Variants in CACNA1C observed in about 807,000 individuals in gnomAD.
The protein encoded by CACNA1C is voltage-dependent L-type calcium channel subunit alpha-1C.
CACNA1C carries 30 observed loss-of-function variants against 229.0 expected under a neutral mutation model. The ratio of observed to expected loss-of-function variants is 0.13; its 90% confidence interval spans 0.10 to 0.18. The LOEUF (loss-of-function observed/expected upper bound fraction) is 0.18, where lower values mean the gene tolerates loss of function less well. Among genes scored for constraint, CACNA1C ranks in the 10% least tolerant of loss-of-function variants. The pLI is 1.00. For synonymous variants in CACNA1C, 1,114 were observed against 1,132.5 expected (o/e 0.98, Z 0.33); for missense variants, 1,658 against 2,845.0 (o/e 0.58, Z 9.49).
Position 2,679,453 on chromosome 12 carries a change from G to A in CACNA1C, c.5101G>A (p.Gly1701Ser), listed in dbSNP as rs1016696809. The A allele has an allele frequency of 6.4e-7, 1 of 1,566,528 alleles. No individual in the cohort carries two copies. Among genetic ancestry groups the A allele is most frequent in the African/African-American group, 1.3e-5 (1 of 74,110 alleles). Residue 1701 changes from glycine (G) to serine (S), a missense_variant, in exon 42 of 47, where the codon GGC becomes AGC. Transcript: ENST00000399655. The surrounding 1 kb of genome is among the most constrained non-coding windows in gnomAD (Gnocchi z 5.5). Reference protein sequence around the residue: ...SEDDIFRRAGGLFGNHVSYYQ... With the variant: ...SEDDIFRRAGSLFGNHVSYYQ... ...TCCTTCTTGCCTACAGAGGGCCGGT[G>A]GCCTGTTCGGCAACCACGTCAGCTA... is the stretch of plus-strand genomic sequence containing the variant.
intron 15 of CACNA1C, among the ~76,000 whole-genome samples, chr12:2,583,759 T>C (rs2061433060): frequency 6.6e-6 from 1 of 152,222 alleles, no homozygotes. Flanking sequence ...CATGGGATCA[T>C]GCATGCAAGG....
In CACNA1C at chr12:1,987,399, AT is replaced by A. The variant is rs199547359; in HGVS notation, c.139+16202del. ...AATTATGTTTTTTATGAGAGAATGT[AT>A]TTTGATATCCAATTATATTTTTGGT... On this transcript the variant is annotated intron_variant, in intron 1 of 46. Coordinates refer to the CACNA1C transcript ENST00000682462. Among the ~76,000 whole-genome samples the A allele has an allele frequency of 9.0e-3, 1,375 of 152,326 alleles. 25 individuals are homozygous for A. The highest frequency in any genetic ancestry group is 0.031 in the African/African-American group (1,306 of 41,570).
chr12:2,629,582 T>C (rs1253120235), intron 29 of CACNA1C, among the ~76,000 whole-genome samples: 1 of 152,090 alleles, frequency 6.6e-6, no homozygotes, highest in Non-Finnish European at 1.5e-5. Flanking sequence ...GAAACAGTGG[T>C]ATAGGGAAGT....
At chr12:2,480,842 T>C (rs2099673066) in intron 5 of CACNA1C, among the ~76,000 whole-genome samples, 1 of 152,204 alleles carries the variant, frequency 6.6e-6, no homozygotes, top group African/African-American at 2.4e-5. Context: ...TGTTCATGCC[T>C]AAACACCAAC....
chr12:2,119,870 C>T (rs2085732330), intron 2 of CACNA1C, among the ~76,000 whole-genome samples: 1 of 152,246 alleles, frequency 6.6e-6, no homozygotes, highest in African/African-American at 2.4e-5. Context: ...TTCAATGAAA[C>T]CCAGAGAAAG....
intron 3 of CACNA1C, among the ~76,000 whole-genome samples, chr12:2,386,201 A>G (rs920108971): frequency 2.0e-5 from 3 of 152,198 alleles, no homozygotes; most frequent in Admixed American, 2.0e-4. Flanking sequence ...TTTACATCAT[A>G]GAAATTGGCA....
chr12:2,115,420 G>T lies in CACNA1C; in HGVS notation c.246G>T (p.Lys82Asn). Reference sequence around the variant, plus strand: ...CCACAGTCAGCTCCACGCAGCGGAAGCGGCAGCAATATGGGAAACCCAAGA... The same window carrying T: ...CCACAGTCAGCTCCACGCAGCGGAATCGGCAGCAATATGGGAAACCCAAGA... Reference protein sequence around the residue: ...TISTVSSTQRKRQQYGKPKKQ... With the variant: ...TISTVSSTQRNRQQYGKPKKQ... Residue 82 changes from lysine to asparagine, a missense_variant, in exon 2 of 47, where the codon AAG becomes AAT. Coordinates refer to ENST00000399655, the MANE Select transcript of CACNA1C (RefSeq NM_000719.7). 1 of 1,612,782 alleles carries T rather than the reference G, an allele frequency of 6.2e-7. No individual in the cohort carries two copies. The highest frequency in any genetic ancestry group is 1.1e-5 in the South Asian group (1 of 91,044).
At chr12:2,430,772 C>T (rs11613063) in intron 3 of CACNA1C, among the ~76,000 whole-genome samples, 6,958 of 152,226 alleles carry the variant, frequency 0.046, 237 homozygotes, top group South Asian at 0.11. Flanking sequence ...GGAGGCCCTT[C>T]CTTTGTGTTC....
chr12:2,633,511 G>C lies in CACNA1C; in HGVS notation c.3829-786G>C. Reference sequence around the variant, plus strand: ...GCTCCTGGCCATGGTGAGGGCGTCCGGAACTCCAGAGGCAACACGGAGGTG... The same window carrying C: ...GCTCCTGGCCATGGTGAGGGCGTCCCGAACTCCAGAGGCAACACGGAGGTG... On this transcript the variant is annotated intron_variant, in intron 29 of 46. Coordinates refer to ENST00000399655, the MANE Select transcript of CACNA1C (RefSeq NM_000719.7). This position sits in a 1 kb window ranked among gnomAD's most constrained non-coding sequence, Gnocchi z 5.8. The C allele has an allele frequency of 1.4e-6, 1 of 723,076 alleles. No homozygotes were observed. The highest frequency in any genetic ancestry group is 2.3e-5 in the Admixed American group (1 of 44,350). The allele number at this position is 723,076 out of a possible 1,614,324, so 44.8% of individuals were successfully genotyped here.
chr12:2,335,643 C>T (rs1043507496), intron 3 of CACNA1C, among the ~76,000 whole-genome samples: 1 of 152,150 alleles, frequency 6.6e-6, no homozygotes, highest in Non-Finnish European at 1.5e-5. Context: ...ACAGGGCAAG[C>T]ATCAGAAACA....
chr12:2,178,699 A>G (rs2096741183), intron 3 of CACNA1C, among the ~76,000 whole-genome samples: 1 of 152,156 alleles, frequency 6.6e-6, no homozygotes, highest in Non-Finnish European at 1.5e-5. Flanking sequence ...CCGCTTGAGT[A>G]CCAGATTATT....
Position 2,601,985 on chromosome 12 carries a change from G to C in CACNA1C, c.2960+25G>C. On this transcript the variant is annotated intron_variant, in intron 22 of 46. Transcript: ENST00000399655. The surrounding 1 kb of genome is among the most constrained non-coding windows in gnomAD (Gnocchi z 5.9). ...AGTGAGTGGGAGCCCCTCAGCCCACGATGGGCCATGCAGCTAGCAAGGGGT... is the reference window on the plus strand; with the variant it reads ...AGTGAGTGGGAGCCCCTCAGCCCACCATGGGCCATGCAGCTAGCAAGGGGT... 6.9e-7 allele frequency: 1 copy of C among 1,459,754 alleles called. No homozygotes were observed. The allele number at this position is 1,459,754 out of a possible 1,614,324, so 90.4% of individuals were successfully genotyped here.
intron 29 of CACNA1C, among the ~76,000 whole-genome samples, chr12:2,624,787 C>G (rs369371579): frequency 1.1e-3 from 164 of 152,326 alleles, no homozygotes; most frequent in African/African-American, 3.8e-3. Context: ...TAGATGAAAC[C>G]TGTTTATCCA....
Position 2,181,317 on chromosome 12 carries a change from C to G in CACNA1C, c.477+60887C>G, listed in dbSNP as rs2096834051. Among the ~76,000 whole-genome samples, 1 of 152,136 alleles carries G rather than the reference C, an allele frequency of 6.6e-6. No homozygotes were observed. Among genetic ancestry groups the G allele is most frequent in the African/African-American group, 2.4e-5 (1 of 41,422 alleles). On this transcript the variant is annotated intron_variant, in intron 3 of 46. Transcript: ENST00000399655. The surrounding 1 kb of genome is among the most constrained non-coding windows in gnomAD (Gnocchi z 4.0). ...TGAGTCTCTAGTCTTGGGGCTCATG[C>G]TTGAAGTTATTTAGAGAATCTCTAA...
At chr12:2,489,918 C>T (rs961414240) in intron 6 of CACNA1C, among the ~76,000 whole-genome samples, 1 of 152,198 alleles carries the variant, frequency 6.6e-6, no homozygotes, top group Non-Finnish European at 1.5e-5. Context: ...ACTTTCCTCC[C>T]CAGGACTTCA....
intron 3 of CACNA1C, among the ~76,000 whole-genome samples, chr12:2,335,514 G>A (rs1020795638): frequency 1.3e-5 from 2 of 152,136 alleles, no homozygotes; most frequent in Non-Finnish European, 2.9e-5. Flanking sequence ...CTTTCCACGG[G>A]TGGCAGCCAT....
intron 42 of CACNA1C, among the ~76,000 whole-genome samples, chr12:2,682,280 G>T (rs1220220112): frequency 6.6e-6 from 1 of 151,188 alleles, no homozygotes; most frequent in African/African-American, 2.4e-5. Context: ...GGACCAGAGG[G>T]TAAGTGGATT....
intron 9 of CACNA1C, among the ~76,000 whole-genome samples, chr12:2,523,130 G>A (rs1448983032): frequency 6.7e-6 from 1 of 150,160 alleles, no homozygotes; most frequent in East Asian, 2.0e-4. Context: ...GGAAAAGAGC[G>A]GAGATGGGGC....
chr12:2,438,106 T>C (rs1037092171), intron 3 of CACNA1C, among the ~76,000 whole-genome samples: 2 of 148,828 alleles, frequency 1.3e-5, no homozygotes, highest in Non-Finnish European at 3.0e-5. Context: ...GTGGTGATGA[T>C]AGTGATAGTA....
Sources: gnomAD v4.1 joint callset for allele counts (sites outside exome capture counted in the v4.1 genomes callset) on GRCh38, gnomAD v4.1.1 for gene constraint, Gnocchi (gnomAD v3.1) non-coding constraint, MANE v1.5 for transcripts, NCBI Gene and HGNC (gene_info 2026-07-23, HGNC 2026-07-21) for gene names.